Variants in MYO5C observed in about 807,000 individuals in gnomAD.
The protein encoded by MYO5C is unconventional myosin-Vc.
In MYO5C, 194 loss-of-function variants were observed where a neutral mutation model predicts 235.7. That is an observed-to-expected ratio of 0.82 (90% CI 0.73 to 0.93). MYO5C has a LOEUF of 0.93. Ranked by LOEUF, MYO5C falls within the 40% of genes least tolerant of loss-of-function variation. MYO5C has a pLI of 0.00. For missense variants in MYO5C, 2,038 were observed against 2,127.2 expected (o/e 0.96, Z 0.82); for synonymous variants, 707 against 754.8 (o/e 0.94, Z 1.04).
intron 38 of MYO5C, 52 bp downstream of exon 38, chr15:52,204,813 G>A (rs2035266044): frequency 1.9e-6 from 3 of 1,587,576 alleles, no homozygotes; most frequent in Admixed American, 1.7e-5. Flanking sequence ...CGGACTTCAA[G>A]AGCATCCTTT....
chr15:52,269,650 CAA>C, intron 8 of MYO5C, 101 bp downstream of exon 8: 1 of 731,840 alleles, frequency 1.4e-6, no homozygotes, highest in Non-Finnish European at 2.3e-6. Flanking sequence ...CTCAGCCTCC[CAA>C]AGTGTTGGGA....
chr15:52,214,273 A>G (rs1217403640), intron 33 of MYO5C, among the ~76,000 whole-genome samples: 1 of 152,224 alleles, frequency 6.6e-6, no homozygotes, highest in Non-Finnish European at 1.5e-5. Flanking sequence ...CATATGTAAC[A>G]GGGAGAGAAG....
intron 38 of MYO5C, among the ~76,000 whole-genome samples, chr15:52,203,642 G>A (rs751349600): frequency 4.6e-5 from 7 of 152,238 alleles, no homozygotes; most frequent in Admixed American, 3.3e-4. Flanking sequence ...CACCCCGCCC[G>A]GCCTCTAAGT....
intron 2 of MYO5C, among the ~76,000 whole-genome samples, chr15:52,281,456 A>G (rs942710678): frequency 7.9e-5 from 12 of 152,244 alleles, no homozygotes; most frequent in African/African-American, 2.9e-4. Context: ...TTTCCTTCCC[A>G]AACAAAGCCA....
intron 1 of MYO5C, among the ~76,000 whole-genome samples, chr15:52,284,813 C>G (rs2037227224): frequency 6.7e-6 from 1 of 149,394 alleles, no homozygotes; most frequent in Admixed American, 6.8e-5. Context: ...AACAGGTGTT[C>G]ACTATAAAAT....
chr15:52,245,517 G>T, intron 17 of MYO5C, 52 bp from the exon 18 acceptor site: 1 of 1,268,874 alleles, frequency 7.9e-7, no homozygotes, highest in Non-Finnish European at 1.2e-6. Context: ...AGCACATTGT[G>T]TCTGGGGACT....
intron 8 of MYO5C, among the ~76,000 whole-genome samples, chr15:52,264,979 A>G (rs1289850240): frequency 6.6e-6 from 1 of 152,236 alleles, no homozygotes. Flanking sequence ...TTGGATGCCC[A>G]CATGGGAAAG....
intron 13 of MYO5C, among the ~76,000 whole-genome samples, chr15:52,250,091 C>T (rs2036439529): frequency 6.6e-6 from 1 of 152,128 alleles, no homozygotes; most frequent in Admixed American, 6.6e-5. Flanking sequence ...GTCTTTCCCC[C>T]TCCCTTTTCC....
chr15:52,225,230 A>G, intron 26 of MYO5C, 92 bp from the exon 27 acceptor site: 1 of 1,388,432 alleles, frequency 7.2e-7, no homozygotes, highest in South Asian at 1.2e-5. Flanking sequence ...CTAGCTTCAC[A>G]GTCTCCAGCT....
At chr15:52,236,244 G>C (rs77927485) in intron 22 of MYO5C, among the ~76,000 whole-genome samples, 2 of 152,216 alleles carry the variant, frequency 1.3e-5, no homozygotes, top group Non-Finnish European at 2.9e-5. Context: ...CAGGCCCCGT[G>C]GTGCTGACTG....
At chr15:52,281,997 T>C (rs998559695) in intron 2 of MYO5C, among the ~76,000 whole-genome samples, 3 of 152,212 alleles carry the variant, frequency 2.0e-5, no homozygotes, top group Non-Finnish European at 4.4e-5. Context: ...TCCAGTGGGA[T>C]GTCACTACAG....
intron 5 of MYO5C, among the ~76,000 whole-genome samples, chr15:52,274,675 C>CG (rs974688338): frequency 4.7e-5 from 7 of 148,268 alleles, no homozygotes; most frequent in Admixed American, 6.7e-5. Context: ...TTAGTACCCC[C>CG]CCCCCGACAT....
chr15:52,215,341 GAA>G (rs2035529066), intron 32 of MYO5C, among the ~76,000 whole-genome samples: 1 of 152,334 alleles, frequency 6.6e-6, no homozygotes, highest in East Asian at 1.9e-4. Context: ...TCAAGAACCA[GAA>G]GAGTCCTTGG....
Position 52,219,752 on chromosome 15 carries a change from CACTT to C in MYO5C, c.3785+3_3785+6del, listed in dbSNP as rs745667907. 19 of 1,604,826 alleles carry C rather than the reference CACTT, an allele frequency of 1.2e-5. No individual in the cohort carries two copies. Among genetic ancestry groups the C allele is most frequent in the Non-Finnish European group, 1.5e-5 (18 of 1,172,376 alleles). On this transcript the variant is annotated splice_donor_5th_base_variant and intron_variant, in intron 31 of 40. Transcript: ENST00000261839. The stretch of plus-strand genomic sequence containing the variant: ...TGAACTTGAGGTACACACATATTTA[CACTT>C]ACTTTCTTTGTGTTCCTTCCTCCTC...
rs182152587 is a variant in MYO5C, at chr15:52,214,401, T to G, written c.4042+202A>C. On this transcript the variant is annotated intron_variant, in intron 33 of 40. Transcript: ENST00000261839. Reference sequence around the variant, plus strand: ...AGGATGTCTCTTGCGAGTACATGAATGTATCTGGTATCATCTGAGTGGGAG... The same window carrying G: ...AGGATGTCTCTTGCGAGTACATGAAGGTATCTGGTATCATCTGAGTGGGAG... Among the ~76,000 whole-genome samples the G allele has an allele frequency of 3.5e-3, 531 of 152,328 alleles. 2 individuals are homozygous for G. The highest frequency in any genetic ancestry group is 0.012 in the African/African-American group (507 of 41,572).
At chr15:52,270,774 A>G (rs1480447612) in intron 7 of MYO5C, among the ~76,000 whole-genome samples, 4 of 152,038 alleles carry the variant, frequency 2.6e-5, no homozygotes, top group Non-Finnish European at 4.4e-5. Context: ...TTCACTATTC[A>G]CATTCTGTTT....
At chr15:52,276,361 C>T (rs1250892946) in intron 4 of MYO5C, among the ~76,000 whole-genome samples, 9 of 152,136 alleles carry the variant, frequency 5.9e-5, no homozygotes, top group Non-Finnish European at 7.4e-5. Flanking sequence ...CTCTCCCAGT[C>T]GGGTCACACA....
chr15:52,208,452 GCCT>G, intron 36 of MYO5C, 99 bp downstream of exon 36: 1 of 1,006,222 alleles, frequency 9.9e-7, no homozygotes, highest in Non-Finnish European at 1.5e-6. Context: ...TGTGCTGTTG[GCCT>G]CCTGGTGGAG....
intron 11 of MYO5C, among the ~76,000 whole-genome samples, chr15:52,253,742 G>T (rs2036522861): frequency 6.6e-6 from 1 of 152,210 alleles, no homozygotes; most frequent in Non-Finnish European, 1.5e-5. Flanking sequence ...ACTCAGTGTG[G>T]TCCTACAGCC....
Sources: gnomAD v4.1 joint callset for allele counts (sites outside exome capture counted in the v4.1 genomes callset) on GRCh38, gnomAD v4.1.1 for gene constraint, MANE v1.5 for transcripts, NCBI Gene and HGNC (gene_info 2026-07-23, HGNC 2026-07-21) for gene names.